PLA2R1: variants seen among roughly 807,000 people sequenced by gnomAD.
PLA2R1 encodes the protein phospholipase A2 receptor 1.
A neutral mutation model predicts 195.9 loss-of-function variants in PLA2R1; 158 were observed. The observed-to-expected ratio is 0.81, with a 90% confidence interval of 0.71 to 0.92. The LOEUF is 0.92. PLA2R1 is among the 40% of genes least tolerant of loss of function. PLA2R1 has a pLI of 0.00. For synonymous variants in PLA2R1, 586 were observed against 598.2 expected, an observed-to-expected ratio of 0.98 and a Z score of 0.30; for missense variants, 1,626 against 1,764.6, an observed-to-expected ratio of 0.92 and a Z score of 1.41.
At chr2:160,028,511 A>G (rs1258083447) in intron 5 of PLA2R1, 150 bp from the exon 6 acceptor site, 4 of 650,634 alleles carry the variant, frequency 6.1e-6, no homozygotes, top group Non-Finnish European at 1.1e-5. Context: ...TTGCAGTTAC[A>G]GTCCAGGCAT....
chr2:159,925,561 C>CAA, the PLA2R1 span, among the ~76,000 whole-genome samples: 47,469 of 135,828 alleles, frequency 0.35, 9,391 homozygotes, highest in Non-Finnish European at 0.45. Flanking sequence ...GGAATCAAAG[C>CAA]AAAAAAAAAA....
rs560347219 is a variant in PLA2R1, at chr2:159,979,528, T to C, written c.2268+302A>G. Among the ~76,000 whole-genome samples, 145 of 152,292 alleles carry C rather than the reference T, an allele frequency of 9.5e-4. 1 individual carries two copies. Among genetic ancestry groups the C allele is most frequent in the Non-Finnish European group, 1.7e-3 (117 of 68,014 alleles). On this transcript the variant is annotated intron_variant, in intron 14 of 29. Transcript: ENST00000283243. ...GAGGTATAGGGTAAAGGGAGTCTTG[T>C]GTTATTTTAAAGAATAGCTGCTTCT...
chr2:159,981,801 G>A (rs1274381237), intron 13 of PLA2R1, among the ~76,000 whole-genome samples: 1 of 152,008 alleles, frequency 6.6e-6, no homozygotes, highest in Non-Finnish European at 1.5e-5. Flanking sequence ...CTTTGAACTA[G>A]GTTTTGCTGG....
chr2:160,036,524 T>C (rs1694172535), intron 3 of PLA2R1, among the ~76,000 whole-genome samples: 1 of 152,150 alleles, frequency 6.6e-6, no homozygotes, highest in South Asian at 2.1e-4. Flanking sequence ...AAGAGAGTCA[T>C]AGTTAACGGT....
intron 13 of PLA2R1, among the ~76,000 whole-genome samples, chr2:159,980,711 C>G (rs111832709): frequency 6.6e-6 from 1 of 152,048 alleles, no homozygotes; most frequent in Admixed American, 6.6e-5. Context: ...CTCAATAAAT[C>G]GAGTAATAAA....
chr2:159,977,272 T>C lies in PLA2R1; in HGVS notation c.2401+12A>G, dbSNP rs1689628276. The C allele has an allele frequency of 6.3e-7, 1 of 1,597,784 alleles. No individual in the cohort carries two copies. The highest frequency in any genetic ancestry group is 1.3e-5 in the African/African-American group (1 of 74,530). On this transcript the variant is annotated intron_variant, in intron 15 of 29. Transcript: ENST00000283243. Reference sequence around the variant, plus strand: ...ATCAAACATATAGCAAAGATCTTACTACTATTTTTACCTCTTGGGATTTTG... The same window carrying C: ...ATCAAACATATAGCAAAGATCTTACCACTATTTTTACCTCTTGGGATTTTG...
intron 11 of PLA2R1, among the ~76,000 whole-genome samples, chr2:159,995,788 A>C (rs1019364436): frequency 3.4e-5 from 5 of 148,000 alleles, no homozygotes; most frequent in African/African-American, 5.3e-5. Flanking sequence ...GGTTGACAGC[A>C]AAATTGAGCG....
At position 160,042,632 on chromosome 2, in the gene PLA2R1, T is replaced by A. The variant is rs1384445651; in HGVS notation, c.494-434A>T. Among the ~76,000 whole-genome samples the A allele has an allele frequency of 3.9e-5, 6 of 152,266 alleles. No homozygotes were observed. The East Asian group carries it at 1.2e-3, about 29-fold the overall frequency. On this transcript the variant is annotated intron_variant, in intron 2 of 29. Coordinates refer to ENST00000283243, the MANE Select transcript of PLA2R1 (RefSeq NM_007366.5). ...ATTGAACATTTAATGTACTCAGTAC[T>A]GGGGATACAACAGTGAACAAACCAG... is the stretch of plus-strand genomic sequence containing the variant.
chr2:160,056,180 C>A (rs562625662), intron 1 of PLA2R1, among the ~76,000 whole-genome samples: 16 of 148,002 alleles, frequency 1.1e-4, no homozygotes, highest in African/African-American at 4.2e-4. Flanking sequence ...ACCAGCGAGA[C>A]AAAACGAAAC....
At chr2:160,055,350 C>T (rs1390771207) in intron 1 of PLA2R1, among the ~76,000 whole-genome samples, 14 of 152,180 alleles carry the variant, frequency 9.2e-5, no homozygotes, top group African/African-American at 9.6e-5. Flanking sequence ...AACCACTATC[C>T]GATCACGCTT....
chr2:159,954,858 T>C (rs146232017), intron 23 of PLA2R1, among the ~76,000 whole-genome samples: 129 of 152,304 alleles, frequency 8.5e-4, no homozygotes, highest in African/African-American at 3.0e-3. Context: ...GTTTATTTCC[T>C]TGATTCTTTC....
intron 2 of PLA2R1, among the ~76,000 whole-genome samples, chr2:160,044,416 T>C (rs2105611578): frequency 6.6e-6 from 1 of 152,236 alleles, no homozygotes; most frequent in East Asian, 1.9e-4. Context: ...ATTATTATAT[T>C]TGTCATGACA....
At chr2:159,963,012 C>T (rs141523629) in intron 20 of PLA2R1, among the ~76,000 whole-genome samples, 118 of 152,180 alleles carry the variant, frequency 7.8e-4, no homozygotes, top group African/African-American at 2.7e-3. Flanking sequence ...TACACATGTA[C>T]CCCAGAACTT....
At chr2:159,980,013 T>A in intron 13 of PLA2R1, 99 bp from the exon 14 acceptor site, 1 of 619,438 alleles carries the variant, frequency 1.6e-6, no homozygotes, top group Non-Finnish European at 2.9e-6. Flanking sequence ...TATACACATG[T>A]AACTAACCTG....
rs750486548 is a variant in PLA2R1, at chr2:160,028,297, G to A, written c.1020C>T (p.Ala340=). The A allele has an allele frequency of 1.6e-5, 26 of 1,605,208 alleles. No homozygotes were observed. In the African/African-American group the frequency reaches 1.7e-4, roughly 11 times the overall value. ...TGGACTCACAATCCCGACTCCTCCAGGCACTTGGCATAAATGAACTAAATG... is the reference window on the plus strand; with the variant it reads ...TGGACTCACAATCCCGACTCCTCCAAGCACTTGGCATAAATGAACTAAATG... ...CGTFSSFMPS[A]WRSRDCESTL... Residue 340 remains alanine (A), a synonymous_variant, in exon 6 of 30, where the codon GCC becomes GCT. Coordinates refer to ENST00000283243, the MANE Select transcript of PLA2R1 (RefSeq NM_007366.5).
intron 1 of PLA2R1, among the ~76,000 whole-genome samples, chr2:160,052,684 T>A (rs1037262577): frequency 6.6e-6 from 1 of 152,122 alleles, no homozygotes; most frequent in African/African-American, 2.4e-5. Context: ...AGAACACTGT[T>A]AAGATGCCCT....
chr2:159,932,160 C>T lies in PLA2R1; in HGVS notation c.*9618G>A, dbSNP rs1233186661. On this transcript the variant is annotated 3_prime_UTR_variant, in exon 30 of 30. Transcript: ENST00000283243. ...GTTTAGTATAAGTTGCAGTAGCAAT[C>T]GCAGGGAATTTCTACCTTGAGCACC... 3 of 152,202 alleles carry T rather than the reference C, an allele frequency of 2.0e-5. No individual in the cohort carries two copies. Among genetic ancestry groups the T allele is most frequent in the Non-Finnish European group, 2.9e-5 (2 of 68,050 alleles). 9.4% of individuals were successfully genotyped at this position (152,202 alleles called of 1,614,324 possible). A position where few individuals can be genotyped will look rare whatever the true frequency, so the allele number is the denominator to read the frequency against.
At chr2:160,061,936 C>G (rs1695982355) in intron 1 of PLA2R1, among the ~76,000 whole-genome samples, 1 of 152,138 alleles carries the variant, frequency 6.6e-6, no homozygotes. Context: ...CCCAAATAAG[C>G]AGCTCTCAGA....
At chr2:159,942,701 A>C (rs1347366337) in intron 28 of PLA2R1, among the ~76,000 whole-genome samples, 2 of 152,216 alleles carry the variant, frequency 1.3e-5, no homozygotes, top group African/African-American at 4.8e-5. Flanking sequence ...TCTCCATCCA[A>C]AAAGTTAGAG....
Sources: allele counts gnomAD v4.1 joint callset (sites outside exome capture counted in the v4.1 genomes callset), GRCh38; gene constraint gnomAD v4.1.1; transcripts MANE v1.5; gene names NCBI Gene and HGNC (gene_info 2026-07-23, HGNC 2026-07-21).